The following NEDD4L variants were observed in gnomAD, a reference collection of about 807,000 sequenced individuals.
The protein encoded by NEDD4L is NEDD4 like E3 ubiquitin protein ligase.
NEDD4L carries 54 observed loss-of-function variants against 148.9 expected under a neutral mutation model. The ratio of observed to expected loss-of-function variants is 0.36; its 90% confidence interval spans 0.29 to 0.45. The LOEUF (loss-of-function observed/expected upper bound fraction) is 0.45. NEDD4L is among the 20% of genes least tolerant of loss of function. The probability of loss-of-function intolerance (pLI) is 1.00; values close to 1 mark genes in which losing one functional copy is unlikely to be tolerated. For missense variants in NEDD4L, 856 were observed against 1,233.8 expected, an observed-to-expected ratio of 0.69 and a Z score of 4.59; for synonymous variants, 433 against 440.7, an observed-to-expected ratio of 0.98 and a Z score of 0.22.
intron 2 of NEDD4L, among the ~76,000 whole-genome samples, 152 bp from the exon 3 acceptor site, chr18:58,245,275 C>T (rs903813765): frequency 2.0e-5 from 3 of 152,086 alleles, no homozygotes; most frequent in African/African-American, 7.2e-5. Context: ...AGTGTATTGA[C>T]TTAGTAGATA....
intron 2 of NEDD4L, among the ~76,000 whole-genome samples, chr18:58,213,938 C>G (rs34406608): frequency 6.6e-6 from 1 of 151,936 alleles, no homozygotes; most frequent in Admixed American, 6.5e-5. Context: ...TTGTGCCTCT[C>G]GTTTGCCCCT....
At chr18:58,339,551 G>T (rs1452054773) in intron 13 of NEDD4L, among the ~76,000 whole-genome samples, 1 of 152,146 alleles carries the variant, frequency 6.6e-6, no homozygotes, top group Admixed American at 6.5e-5. Flanking sequence ...CCGAGTCTTT[G>T]TGTCTTTATA....
Position 58,365,993 on chromosome 18 carries a change from G to A in NEDD4L, c.1834-6G>A. 1 of 1,588,288 alleles carries A rather than the reference G, an allele frequency of 6.3e-7. No individual in the cohort carries two copies. Among genetic ancestry groups the A allele is most frequent in the Non-Finnish European group, 8.6e-7 (1 of 1,162,004 alleles). ...GATTATGTGTTTTCTTTTGTCTTTTGTGTAGGCTGATATCCCCAATAGGTT... is the reference window on the plus strand; with the variant it reads ...GATTATGTGTTTTCTTTTGTCTTTTATGTAGGCTGATATCCCCAATAGGTT... On this transcript the variant is annotated splice_region_variant and splice_polypyrimidine_tract_variant and intron_variant, in intron 20 of 30. Coordinates refer to ENST00000400345, the MANE Select transcript of NEDD4L (RefSeq NM_001144967.3).
chr18:58,154,953 A>C (rs2035279896), intron 1 of NEDD4L, among the ~76,000 whole-genome samples: 1 of 152,326 alleles, frequency 6.6e-6, no homozygotes, highest in Non-Finnish European at 1.5e-5. Context: ...TTTTGGAACT[A>C]CCTTCCTCCC....
intron 30 of NEDD4L, among the ~76,000 whole-genome samples, chr18:58,395,929 GCATCTGACTATA>G (rs2050436461): frequency 6.6e-6 from 1 of 152,086 alleles, no homozygotes; most frequent in Admixed American, 6.6e-5. Flanking sequence ...TCCGAGATCT[GCATCTGACTATA>G]GCAAAGGTTT....
intron 5 of NEDD4L, among the ~76,000 whole-genome samples, chr18:58,254,328 T>C (rs571968171): frequency 1.3e-5 from 2 of 152,328 alleles, no homozygotes; most frequent in South Asian, 4.1e-4. Flanking sequence ...TTCTGGATCA[T>C]AGAAAATAGT....
intron 1 of NEDD4L, among the ~76,000 whole-genome samples, chr18:58,118,524 G>T (rs1220583274): frequency 2.6e-5 from 4 of 152,202 alleles, no homozygotes; most frequent in African/African-American, 9.7e-5. Context: ...GAACTGCGCT[G>T]CTGCTTTTCA....
intron 1 of NEDD4L, among the ~76,000 whole-genome samples, chr18:58,077,922 A>T (rs868398258): frequency 5.9e-4 from 90 of 151,956 alleles, no homozygotes; most frequent in African/African-American, 2.1e-3. Context: ...GAGATCAGGG[A>T]TGCTGCCGAG....
chr18:58,080,079 C>T (rs1395646922), intron 1 of NEDD4L, among the ~76,000 whole-genome samples: 5 of 152,216 alleles, frequency 3.3e-5, no homozygotes, highest in Admixed American at 6.5e-5. Flanking sequence ...TGCGTAACAC[C>T]GTGCCTTGCT....
chr18:58,060,902 G>C (rs1290384539), intron 1 of NEDD4L, among the ~76,000 whole-genome samples: 1 of 152,112 alleles, frequency 6.6e-6, no homozygotes, highest in East Asian at 1.9e-4. Context: ...GGGGTTACAG[G>C]TGCCTGCCAC....
chr18:58,052,396 G>A (rs2081913865), intron 1 of NEDD4L, among the ~76,000 whole-genome samples: 1 of 152,156 alleles, frequency 6.6e-6, no homozygotes, highest in Non-Finnish European at 1.5e-5. Context: ...GGTGAGAAAA[G>A]CCTTATTATA....
intron 1 of NEDD4L, among the ~76,000 whole-genome samples, chr18:58,103,360 T>G (rs1201780533): frequency 6.6e-6 from 1 of 151,334 alleles, no homozygotes; most frequent in Non-Finnish European, 1.5e-5. Context: ...TTACCATGAT[T>G]TAAATAATAC....
intron 2 of NEDD4L, among the ~76,000 whole-genome samples, chr18:58,194,573 C>T (rs1415528767): frequency 1.3e-5 from 2 of 152,126 alleles, no homozygotes; most frequent in African/African-American, 2.4e-5. Flanking sequence ...GAAGAAACCC[C>T]CTCTGCCTTG....
chr18:58,261,976 T>A (rs1396470611), intron 5 of NEDD4L, among the ~76,000 whole-genome samples: 4 of 152,166 alleles, frequency 2.6e-5, no homozygotes, highest in African/African-American at 9.7e-5. Context: ...CCTCTGTAAA[T>A]GTCAAAGGAA....
At chr18:58,361,447 AAGAACTTTAT>A (rs1355447364) in intron 19 of NEDD4L, among the ~76,000 whole-genome samples, 8 of 152,198 alleles carry the variant, frequency 5.3e-5, no homozygotes, top group African/African-American at 1.9e-4. Flanking sequence ...TCATTTTTCC[AAGAACTTTAT>A]AATCAGCCGA....
intron 5 of NEDD4L, among the ~76,000 whole-genome samples, chr18:58,266,803 A>G (rs1031549150): frequency 6.6e-6 from 1 of 152,134 alleles, no homozygotes; most frequent in Non-Finnish European, 1.5e-5. Flanking sequence ...GATAAGACCA[A>G]TTATAGGTAC....
At chr18:58,047,246 G>T (rs1205335898) in intron 1 of NEDD4L, 2 of 984,998 alleles carry the variant, frequency 2.0e-6, no homozygotes, top group Non-Finnish European at 2.4e-6. Context: ...CTATTTAGAA[G>T]AGTGACCTCA....
chr18:58,157,566 T>A (rs529487961), intron 1 of NEDD4L, among the ~76,000 whole-genome samples: 319 of 152,228 alleles, frequency 2.1e-3, no homozygotes, highest in Non-Finnish European at 3.4e-3. Flanking sequence ...ATTTTTTTTT[T>A]AAATTTCATA....
chr18:58,132,950 T>G (rs548664344), intron 1 of NEDD4L, among the ~76,000 whole-genome samples: 1 of 152,330 alleles, frequency 6.6e-6, no homozygotes, highest in East Asian at 1.9e-4. Context: ...GTGAGTTAAC[T>G]CATACTTAGG....
Sources: gnomAD v4.1 joint callset for allele counts (sites outside exome capture counted in the v4.1 genomes callset) on GRCh38, gnomAD v4.1.1 for gene constraint, MANE v1.5 for transcripts, NCBI Gene and HGNC (gene_info 2026-07-23, HGNC 2026-07-21) for gene names.